NKAIN2: variants seen among roughly 807,000 people sequenced by gnomAD.
The protein encoded by NKAIN2 is sodium/potassium transporting ATPase interacting 2, also known as sodium/potassium-transporting ATPase subunit beta-1-interacting protein 2.
A neutral mutation model predicts 32.6 loss-of-function variants in NKAIN2; 14 were observed. That is an observed-to-expected ratio of 0.43 (90% CI 0.28 to 0.67). The LOEUF (loss-of-function observed/expected upper bound fraction) is 0.67. NKAIN2 is among the 30% of genes least tolerant of loss of function. The probability of loss-of-function intolerance (pLI) is 0.17; values close to 1 mark genes in which losing one functional copy is unlikely to be tolerated. For synonymous variants in NKAIN2, 80 were observed against 87.2 expected, an observed-to-expected ratio of 0.92 and a Z score of 0.46; for missense variants, 198 against 258.3, an observed-to-expected ratio of 0.77 and a Z score of 1.60.
At chr6:124,430,768 T>A (rs1240298964) in intron 3 of NKAIN2, among the ~76,000 whole-genome samples, 1 of 152,162 alleles carries the variant, frequency 6.6e-6, no homozygotes, top group Non-Finnish European at 1.5e-5. Context: ...TTACAAAGAC[T>A]CTCAGGTTCA....
At chr6:124,240,535 AG>A (rs1291388931) in intron 1 of NKAIN2, among the ~76,000 whole-genome samples, 2 of 152,152 alleles carry the variant, frequency 1.3e-5, no homozygotes, top group East Asian at 3.9e-4. Flanking sequence ...CACATCAAAA[AG>A]CTTACCCACC....
intron 1 of NKAIN2, among the ~76,000 whole-genome samples, chr6:123,834,638 A>T (rs188469555): frequency 1.3e-5 from 2 of 152,328 alleles, no homozygotes; most frequent in Admixed American, 6.5e-5. Flanking sequence ...GGAGCATCAT[A>T]ACCTTGTTTT....
chr6:124,139,149 C>T (rs1159251983), intron 1 of NKAIN2, among the ~76,000 whole-genome samples: 1 of 128,202 alleles, frequency 7.8e-6, no homozygotes, highest in African/African-American at 3.0e-5. Flanking sequence ...ACTGCAGTGG[C>T]GCAATCTCGG....
At chr6:124,481,410 T>C (rs1169140686) in intron 3 of NKAIN2, among the ~76,000 whole-genome samples, 1 of 152,070 alleles carries the variant, frequency 6.6e-6, no homozygotes, top group Non-Finnish European at 1.5e-5. Context: ...ACAGATATTA[T>C]TACTCTCTAC....
intron 3 of NKAIN2, among the ~76,000 whole-genome samples, chr6:124,375,690 A>G (rs1355349352): frequency 6.6e-6 from 1 of 152,016 alleles, no homozygotes; most frequent in African/African-American, 2.4e-5. Flanking sequence ...CATTCAGCTG[A>G]AGAAACTATC....
chr6:123,917,880 G>A (rs1021156524), intron 1 of NKAIN2, among the ~76,000 whole-genome samples: 2 of 152,136 alleles, frequency 1.3e-5, no homozygotes, highest in African/African-American at 2.4e-5. Context: ...GCAGTGGTTT[G>A]TGGAGCCGCT....
At chr6:124,716,008 A>G (rs2114618344) in intron 4 of NKAIN2, among the ~76,000 whole-genome samples, 1 of 152,316 alleles carries the variant, frequency 6.6e-6, no homozygotes, top group East Asian at 1.9e-4. Flanking sequence ...AGCTTGATAA[A>G]GCTTATTTTT....
At chr6:124,488,524 A>G (rs1051695062) in intron 3 of NKAIN2, among the ~76,000 whole-genome samples, 1 of 152,032 alleles carries the variant, frequency 6.6e-6, no homozygotes, top group African/African-American at 2.4e-5. Flanking sequence ...ATCTATCACA[A>G]ATCCCTTGCC....
At chr6:124,470,149 C>T (rs1338560210) in intron 3 of NKAIN2, among the ~76,000 whole-genome samples, 3 of 151,998 alleles carry the variant, frequency 2.0e-5, no homozygotes. Context: ...TGTAAAGGTC[C>T]ATTGATGGCA....
Position 124,805,823 on chromosome 6 carries a change from T to C in NKAIN2, c.536-12564T>C, listed in dbSNP as rs564743382. 4.6e-3 allele frequency among the ~76,000 whole-genome samples: 696 copies of C among 152,000 alleles called. 5 individuals are homozygous for C. Among genetic ancestry groups the C allele is most frequent in the African/African-American group, 0.016 (662 of 41,454 alleles). On this transcript the variant is annotated intron_variant, in intron 5 of 6. Transcript: ENST00000368417. The stretch of plus-strand genomic sequence containing the variant: ...GCTGATGGAGCTGAAAGCCAAGGCA[T>C]GAGAACTACGTGAAGAATGCAGAAG...
chr6:124,079,435 T>A (rs772790349), intron 1 of NKAIN2, among the ~76,000 whole-genome samples: 11 of 152,168 alleles, frequency 7.2e-5, no homozygotes, highest in East Asian at 1.9e-4. Context: ...AAAAATATAT[T>A]TTTTTAGATC....
intron 4 of NKAIN2, among the ~76,000 whole-genome samples, chr6:124,768,479 T>C: frequency 6.6e-6 from 1 of 152,296 alleles, no homozygotes; most frequent in Non-Finnish European, 1.5e-5. Flanking sequence ...GAAATATCCT[T>C]CTGCTATTTG....
intron 1 of NKAIN2, among the ~76,000 whole-genome samples, chr6:124,260,446 G>A (rs781338545): frequency 1.4e-4 from 22 of 152,182 alleles, no homozygotes; most frequent in Non-Finnish European, 3.1e-4. Context: ...AGAAGTGAGA[G>A]AATAAACCAC....
At chr6:124,668,103 A>G (rs989554029) in intron 4 of NKAIN2, among the ~76,000 whole-genome samples, 1 of 152,056 alleles carries the variant, frequency 6.6e-6, no homozygotes, top group African/African-American at 2.4e-5. Context: ...TTAGACTCCT[A>G]TCAAGCAGTG....
chr6:124,519,648 T>C (rs557835856), intron 3 of NKAIN2, among the ~76,000 whole-genome samples: 3 of 152,296 alleles, frequency 2.0e-5, no homozygotes, highest in Admixed American at 2.0e-4. Flanking sequence ...CTGAATTAAA[T>C]TAAGGATGGC....
intron 1 of NKAIN2, among the ~76,000 whole-genome samples, chr6:124,091,098 C>T (rs757814812): frequency 5.9e-5 from 9 of 151,590 alleles, no homozygotes; most frequent in Non-Finnish European, 2.9e-5. Flanking sequence ...TCCATGTAAC[C>T]AAAACTCAAA....
At chr6:124,048,616 G>T (rs1782255127) in intron 1 of NKAIN2, among the ~76,000 whole-genome samples, 1 of 151,938 alleles carries the variant, frequency 6.6e-6, no homozygotes, top group African/African-American at 2.4e-5. Flanking sequence ...ATCTACACAA[G>T]ACTGACAGTT....
intron 1 of NKAIN2, among the ~76,000 whole-genome samples, chr6:124,151,806 T>A (rs1283500779): frequency 6.6e-6 from 1 of 152,008 alleles, no homozygotes. Context: ...TTTCATGAAG[T>A]ACTTGTACAA....
chr6:124,771,448 TTGAG>T (rs1778752482), intron 4 of NKAIN2, among the ~76,000 whole-genome samples: 1 of 152,038 alleles, frequency 6.6e-6, no homozygotes, highest in South Asian at 2.1e-4. Context: ...AAATAGGAGA[TTGAG>T]TGAATTTTGT....
Sources: allele counts gnomAD v4.1 joint callset (sites outside exome capture counted in the v4.1 genomes callset), GRCh38; gene constraint gnomAD v4.1.1; transcripts MANE v1.5; gene names NCBI Gene and HGNC (gene_info 2026-07-23, HGNC 2026-07-21).